The following TJAP1 variants were observed in gnomAD, a reference collection of about 807,000 sequenced individuals.
TJAP1 encodes tight junction associated protein 1, also known as tight junction-associated protein 1.
Under a neutral mutation model 42.0 loss-of-function variants are expected in TJAP1, and 27 were observed. The ratio of observed to expected loss-of-function variants is 0.64; its 90% CI spans 0.47 to 0.89. TJAP1 has a LOEUF of 0.89. TJAP1 is among the 40% of genes least tolerant of loss of function. The pLI is 0.00. For synonymous variants in TJAP1, 257 were observed against 288.4 expected (o/e 0.89, Z 1.10); for missense variants, 712 against 726.9 (o/e 0.98, Z 0.24).
intron 2 of TJAP1, among the ~76,000 whole-genome samples, chr6:43,482,512 C>G (rs1785530760): frequency 6.6e-6 from 1 of 152,126 alleles, no homozygotes. Context: ...CCTTTTTGTC[C>G]TTCAGGTCTC....
At chr6:43,493,093 T>C (rs1428298605) in intron 2 of TJAP1, among the ~76,000 whole-genome samples, 1 of 152,244 alleles carries the variant, frequency 6.6e-6, no homozygotes, top group Non-Finnish European at 1.5e-5. Flanking sequence ...GCTGGTGTAT[T>C]CTGAAACGGC....
At chr6:43,480,135 G>A (rs1217258278) in intron 2 of TJAP1, among the ~76,000 whole-genome samples, 1 of 152,208 alleles carries the variant, frequency 6.6e-6, no homozygotes, top group African/African-American at 2.4e-5. Context: ...AGGTAAATTA[G>A]TTAATACATT....
At chr6:43,477,613 C>G (rs996348868) in exon 1 of TJAP1, 1 of 152,452 alleles carries the variant, frequency 6.6e-6, no homozygotes, top group African/African-American at 2.4e-5. Flanking sequence ...CTGAACGCAG[C>G]TGGCAGCGGC....
At chr6:43,481,229 G>A (rs1785238095) in intron 2 of TJAP1, among the ~76,000 whole-genome samples, 2 of 152,046 alleles carry the variant, frequency 1.3e-5, no homozygotes, top group South Asian at 4.1e-4. Context: ...AGCCTGCTGT[G>A]CCATGTCAGT....
intron 4 of TJAP1, among the ~76,000 whole-genome samples, chr6:43,499,574 A>G (rs993308452): frequency 1.3e-5 from 2 of 152,198 alleles, no homozygotes; most frequent in Non-Finnish European, 2.9e-5. Context: ...TTTGGCTAAC[A>G]TTTGTTGAAT....
rs1256730634 is a variant in TJAP1, at chr6:43,502,622, C to G, written c.387+5C>G. 9 of 1,551,656 alleles carry G rather than the reference C, an allele frequency of 5.8e-6. No homozygotes were observed. The highest frequency in any genetic ancestry group is 7.8e-6 in the Non-Finnish European group (9 of 1,147,008). The stretch of plus-strand genomic sequence containing the variant: ...AGCCACAGCTGGATTTTTGCAGTTG[C>G]GTCTGAGTTTGTGTGTCTTCTCCCT... On this transcript the variant is annotated splice_donor_5th_base_variant and intron_variant, in intron 8 of 10. Coordinates refer to ENST00000372449, the Ensembl canonical transcript of TJAP1.
chr6:43,484,711 G>A (rs1051486113), intron 2 of TJAP1, among the ~76,000 whole-genome samples: 5 of 149,282 alleles, frequency 3.3e-5, no homozygotes, highest in Non-Finnish European at 5.9e-5. Flanking sequence ...GATTGTTGGT[G>A]TTTCTCCCCA....
intron 2 of TJAP1, among the ~76,000 whole-genome samples, chr6:43,485,062 G>A (rs1272669999): frequency 6.6e-6 from 1 of 152,202 alleles, no homozygotes; most frequent in African/African-American, 2.4e-5. Flanking sequence ...CTCCTTTGAT[G>A]ATCGTGATAT....
Position 43,501,707 on chromosome 6 carries a change from GACACAC to G in TJAP1, c.290+67_290+72del, listed in dbSNP as rs70990192. ...CCGCAGGTGTGGGAATGAGGGGCCA[GACACAC>G]ACACACACACACACACACACACACA... On this transcript the variant is annotated intron_variant, in intron 6 of 10. Coordinates refer to ENST00000372449, the Ensembl canonical transcript of TJAP1. The G allele has an allele frequency of 0.21, 116,379 of 562,140 alleles. 3,854 individuals carry two copies. The highest frequency in any genetic ancestry group is 0.23 in the Non-Finnish European group (73,136 of 316,132). 34.8% of individuals were successfully genotyped at this position (562,140 alleles called of 1,614,324 possible). A position where few individuals can be genotyped will look rare whatever the true frequency, so the allele number is the denominator to read the frequency against.
In TJAP1 at chr6:43,491,608, T is replaced by C. The variant is rs1464546940; in HGVS notation, c.-121-6273T>C. Reference sequence around the variant, plus strand: ...CCTGGCCCGATGAGAAATATCTTGATGAAAATGCACTACGTCCAATAAATG... The same window carrying C: ...CCTGGCCCGATGAGAAATATCTTGACGAAAATGCACTACGTCCAATAAATG... On this transcript the variant is annotated intron_variant, in intron 2 of 10. Transcript: ENST00000372449. This position sits in a 1 kb window ranked among gnomAD's most constrained non-coding sequence, Gnocchi z 4.6. Among the ~76,000 whole-genome samples the C allele has an allele frequency of 3.3e-5, 5 of 152,162 alleles. No homozygotes were observed. Among genetic ancestry groups the C allele is most frequent in the Non-Finnish European group, 2.9e-5 (2 of 68,040 alleles).
intron 5 of TJAP1, 140 bp from the exon 6 acceptor site, chr6:43,501,386 G>A (rs1790478205): frequency 2.7e-6 from 2 of 752,764 alleles, no homozygotes; most frequent in African/African-American, 3.5e-5. Flanking sequence ...CTTAGACTCA[G>A]ACTAAGACTC....
At chr6:43,500,962 T>C in intron 5 of TJAP1, 190 bp downstream of exon 5, 1 of 650,150 alleles carries the variant, frequency 1.5e-6, no homozygotes, top group Non-Finnish European at 2.7e-6. Context: ...ATTTTATTGT[T>C]CCATGGGCTT....
intron 10 of TJAP1, chr6:43,504,355 TCCACC>T: frequency 4.3e-6 from 1 of 231,138 alleles, no homozygotes; most frequent in South Asian, 6.5e-5. Context: ...GACCTCGTGA[TCCACC>T]CGCCTCGGCC....
intron 2 of TJAP1, among the ~76,000 whole-genome samples, chr6:43,489,128 C>T (rs1787235690): frequency 6.6e-6 from 1 of 152,226 alleles, no homozygotes. Flanking sequence ...CCAGGGGACA[C>T]ATCTTGTGGG....
rs1364846267 is a variant in TJAP1, at chr6:43,497,989, A to G, written c.-25+12A>G. ...CCGACAAACAGACGGTATGTCCCTG[A>G]TGAGGCCTGTGCCCTCAGCCTGGCT... is the stretch of plus-strand genomic sequence containing the variant. On this transcript the variant is annotated intron_variant, in intron 3 of 10. Transcript: ENST00000372449. The G allele has an allele frequency of 6.6e-6, 1 of 152,188 alleles. No individual in the cohort carries two copies. Among genetic ancestry groups the G allele is most frequent in the Non-Finnish European group, 1.5e-5 (1 of 68,058 alleles). The allele number at this position is 152,188 out of a possible 1,614,324, so 9.4% of individuals were successfully genotyped here.
chr6:43,478,463 C>G (rs1394802771), intron 2 of TJAP1, among the ~76,000 whole-genome samples: 5 of 152,198 alleles, frequency 3.3e-5, no homozygotes, highest in Non-Finnish European at 5.9e-5. Flanking sequence ...TAAACCTGGA[C>G]AGAGGCCTAG....
At position 43,495,257 on chromosome 6, in the gene TJAP1, G is replaced by A. The variant is rs755208386; in HGVS notation, c.-121-2624G>A. Among the ~76,000 whole-genome samples the A allele has an allele frequency of 5.9e-5, 9 of 152,220 alleles. No homozygotes were observed. The highest frequency in any genetic ancestry group is 1.0e-4 in the Non-Finnish European group (7 of 68,036). On this transcript the variant is annotated intron_variant, in intron 2 of 10. Coordinates refer to ENST00000372449, the Ensembl canonical transcript of TJAP1. The surrounding 1 kb of genome is among the most constrained non-coding windows in gnomAD (Gnocchi z 4.6). ...GATGCTTCTCTCTTTGTTATCCACT[G>A]CACCATGCATCACTGTCCTCCTTGG...
At chr6:43,485,967 G>GT (rs113524829) in intron 2 of TJAP1, among the ~76,000 whole-genome samples, 2,076 of 141,808 alleles carry the variant, frequency 0.015, 22 homozygotes, top group African/African-American at 0.034. Context: ...GCCTTTTTAT[G>GT]TTTTTTTTTT....
intron 2 of TJAP1, among the ~76,000 whole-genome samples, chr6:43,494,298 G>A (rs1788532250): frequency 6.6e-6 from 1 of 152,196 alleles, no homozygotes; most frequent in African/African-American, 2.4e-5. Flanking sequence ...TGCAGAGCAT[G>A]GCAGAAGCTG....
Sources: allele counts gnomAD v4.1 joint callset (sites outside exome capture counted in the v4.1 genomes callset), GRCh38; gene constraint gnomAD v4.1.1; non-coding constraint Gnocchi (gnomAD v3.1); transcripts MANE v1.5; gene names NCBI Gene and HGNC (gene_info 2026-07-23, HGNC 2026-07-21).